TEAD1: variants seen among roughly 807,000 people sequenced by gnomAD.
TEAD1 encodes transcriptional enhancer factor TEF-1.
A neutral mutation model predicts 54.9 loss-of-function variants in TEAD1; 9 were observed. The ratio of observed to expected loss-of-function variants is 0.16; its 90% CI spans 0.10 to 0.29. The LOEUF is 0.29. Ranked by LOEUF, TEAD1 falls within the 10% of genes least tolerant of loss-of-function variation. TEAD1 has a pLI of 1.00. For synonymous variants in TEAD1, 200 were observed against 187.8 expected (o/e 1.07, Z -0.53); for missense variants, 387 against 535.9 (o/e 0.72, Z 2.74).
intron 2 of TEAD1, among the ~76,000 whole-genome samples, chr11:12,750,457 G>A (rs915009035): frequency 1.3e-5 from 2 of 152,262 alleles, no homozygotes; most frequent in Admixed American, 6.5e-5. Context: ...GAACTGTCCT[G>A]GCCTTGGACC....
At chr11:12,777,523 T>C (rs941605136) in intron 3 of TEAD1, among the ~76,000 whole-genome samples, 1 of 152,182 alleles carries the variant, frequency 6.6e-6, no homozygotes, top group Non-Finnish European at 1.5e-5. Context: ...ACAGCTTTTA[T>C]TGAGAGAGGT....
At chr11:12,785,855 G>A (rs1227425652) in intron 3 of TEAD1, among the ~76,000 whole-genome samples, 2 of 152,194 alleles carry the variant, frequency 1.3e-5, no homozygotes, top group Non-Finnish European at 2.9e-5. Context: ...TTGATTTTCA[G>A]TAGCTAGGGT....
chr11:12,838,416 G>A (rs1946952022), intron 3 of TEAD1, among the ~76,000 whole-genome samples: 1 of 152,178 alleles, frequency 6.6e-6, no homozygotes, highest in Non-Finnish European at 1.5e-5. Context: ...AATAGCCTCT[G>A]AGATATAAAT....
intron 2 of TEAD1, among the ~76,000 whole-genome samples, chr11:12,705,104 A>G (rs1030124669): frequency 4.6e-5 from 7 of 152,244 alleles, no homozygotes; most frequent in African/African-American, 1.7e-4. Context: ...TACTACTCTT[A>G]AAGCTGAACT....
chr11:12,743,754 C>T (rs1343229098), intron 2 of TEAD1, among the ~76,000 whole-genome samples: 3 of 152,118 alleles, frequency 2.0e-5, no homozygotes, highest in Non-Finnish European at 4.4e-5. Context: ...GAGAAGGTTA[C>T]CCATGAACGG....
chr11:12,733,298 G>A (rs1944460275), intron 2 of TEAD1, among the ~76,000 whole-genome samples: 1 of 152,200 alleles, frequency 6.6e-6, no homozygotes, highest in South Asian at 2.1e-4. Flanking sequence ...AACCTCAGAA[G>A]TTCAAGAGCA....
At chr11:12,705,630 C>A (rs1038504305) in intron 2 of TEAD1, among the ~76,000 whole-genome samples, 4 of 152,068 alleles carry the variant, frequency 2.6e-5, no homozygotes, top group African/African-American at 7.2e-5. Flanking sequence ...GGTAAGATTG[C>A]AGGAATGATG....
chr11:12,927,997 A>G (rs1319449678), intron 11 of TEAD1, among the ~76,000 whole-genome samples: 2 of 152,090 alleles, frequency 1.3e-5, no homozygotes, highest in Non-Finnish European at 2.9e-5. Flanking sequence ...AATGGTCTTT[A>G]TTACTAATTT....
chr11:12,728,698 C>G (rs549119055), intron 2 of TEAD1, among the ~76,000 whole-genome samples: 1 of 152,306 alleles, frequency 6.6e-6, no homozygotes, highest in Non-Finnish European at 1.5e-5. Context: ...GTTTGACTTG[C>G]AAGCCTGTGG....
In TEAD1 at chr11:12,943,069, T is replaced by G. The variant is rs1949175760; in HGVS notation, c.*5847T>G. ...TCTTTGAAAATTAGCCTCTAAACTC[T>G]TAATACATACGTTCTGTGTGTCTCT... On this transcript the variant is annotated 3_prime_UTR_variant, in exon 13 of 13. Transcript: ENST00000527636. The G allele has an allele frequency of 6.6e-6, 1 of 152,258 alleles. No individual in the cohort carries two copies. The highest frequency in any genetic ancestry group is 6.5e-5 in the Admixed American group (1 of 15,290). The allele number at this position is 152,258 out of a possible 1,614,324, so 9.4% of individuals were successfully genotyped here.
At chr11:12,723,636 C>T (rs769856043) in intron 2 of TEAD1, among the ~76,000 whole-genome samples, 1 of 152,120 alleles carries the variant, frequency 6.6e-6, no homozygotes, top group Admixed American at 6.5e-5. Context: ...TCCTGTTTCC[C>T]TCCTCCCCTG....
At chr11:12,881,622 G>A (rs183007218) in intron 7 of TEAD1, among the ~76,000 whole-genome samples, 171 of 152,334 alleles carry the variant, frequency 1.1e-3, no homozygotes, top group Middle Eastern at 0.01. Flanking sequence ...TGACCTCAGA[G>A]GTTCAAAGGC....
At chr11:12,678,318 A>T (rs1943140852) in intron 2 of TEAD1, among the ~76,000 whole-genome samples, 1 of 152,170 alleles carries the variant, frequency 6.6e-6, no homozygotes, top group East Asian at 1.9e-4. Flanking sequence ...CAGCCAGAAA[A>T]ATATATTGTA....
At chr11:12,905,861 G>A (rs1948508727) in intron 10 of TEAD1, among the ~76,000 whole-genome samples, 1 of 152,130 alleles carries the variant, frequency 6.6e-6, no homozygotes, top group African/African-American at 2.4e-5. Flanking sequence ...ACCTGGGCTC[G>A]GTCAGGCTAG....
chr11:12,925,615 C>T (rs1344019177), intron 11 of TEAD1, among the ~76,000 whole-genome samples: 1 of 152,182 alleles, frequency 6.6e-6, no homozygotes, highest in Non-Finnish European at 1.5e-5. Context: ...TAGGATGTCC[C>T]GTGCCAGTCC....
In TEAD1 at chr11:12,937,913, C is replaced by A. The variant is rs1265633253; in HGVS notation, c.*691C>A. 2.6e-5 allele frequency: 4 copies of A among 152,222 alleles called. No individual in the cohort carries two copies. The highest frequency in any genetic ancestry group is 9.7e-5 in the African/African-American group (4 of 41,348). 9.4% of individuals were successfully genotyped at this position (152,222 alleles called of 1,614,324 possible). Reference sequence around the variant, plus strand: ...TCAAGGTTAACACTAATCTCCTAATCCATTAAACTCTTGAACAGGTATTAC... The same window carrying A: ...TCAAGGTTAACACTAATCTCCTAATACATTAAACTCTTGAACAGGTATTAC... On this transcript the variant is annotated 3_prime_UTR_variant, in exon 13 of 13. Transcript: ENST00000527636.
At position 12,879,818 on chromosome 11, in the gene TEAD1, C is replaced by G; in HGVS notation, c.441C>G (p.Arg147=). The change falls in exon 6 of 13, where the codon CGC becomes CGG. Residue 147 remains arginine (R), a synonymous_variant. Coordinates refer to ENST00000527636, the MANE Select transcript of TEAD1 (RefSeq NM_021961.6). ...AGCTGGGGCTGCCTGGGATTCCACG[C>G]CCGACCTTCCCAGGGGCGCCGGGGG... 6.2e-7 allele frequency: 1 copy of G among 1,613,884 alleles called. No individual in the cohort carries two copies. Among genetic ancestry groups the G allele is most frequent in the Non-Finnish European group, 8.5e-7 (1 of 1,180,044 alleles).
chr11:12,687,973 C>T (rs1943368791), intron 2 of TEAD1, among the ~76,000 whole-genome samples: 1 of 152,166 alleles, frequency 6.6e-6, no homozygotes, highest in Non-Finnish European at 1.5e-5. Context: ...ACTGGACCTG[C>T]CAGTTTATCT....
intron 2 of TEAD1, among the ~76,000 whole-genome samples, chr11:12,698,445 C>T (rs1243116431): frequency 6.6e-6 from 1 of 151,682 alleles, no homozygotes; most frequent in Non-Finnish European, 1.5e-5. Context: ...ATTCAGAGCA[C>T]AGGCAGAGCA....
Sources: allele counts gnomAD v4.1 joint callset (sites outside exome capture counted in the v4.1 genomes callset), GRCh38; gene constraint gnomAD v4.1.1; transcripts MANE v1.5; gene names NCBI Gene and HGNC (gene_info 2026-07-23, HGNC 2026-07-21).